Variants in GADL1 observed in about 807,000 individuals in gnomAD.
GADL1 encodes the protein GAD like acidic amino acid decarboxylase 1.
GADL1 carries 71 observed loss-of-function variants against 69.5 expected under a neutral mutation model. That is an observed-to-expected ratio of 1.02 (90% CI 0.84 to 1.25). The LOEUF is 1.25. Ranked by LOEUF, GADL1 falls within the 50% of genes most tolerant of loss-of-function variation. GADL1 has a pLI of 0.00. For synonymous variants in GADL1, 254 were observed against 214.4 expected, an observed-to-expected ratio of 1.18 and a Z score of -1.62; for missense variants, 737 against 631.8, an observed-to-expected ratio of 1.17 and a Z score of -1.79.
chr3:30,801,084 A>G lies in GADL1; in HGVS notation c.1055T>C (p.Leu352Pro). 1 of 1,600,746 alleles carries G rather than the reference A, an allele frequency of 6.2e-7. No homozygotes were observed. The highest frequency in any genetic ancestry group is 8.5e-7 in the Non-Finnish European group (1 of 1,172,036). ...CALLVKDKSDLLKKCYSAKAS... is the reference protein window; with the variant it reads ...CALLVKDKSDPLKKCYSAKAS... ...CTTGGCAGAGTAGCATTTTTTAAGA[A>G]GATCCTTCGAAAAAGAAAAGATTAC... The change falls in exon 12 of 15, where the codon CTT becomes CCT. Residue 352 changes from leucine (L) to proline (P), a missense_variant. Physicochemically the swap from Leu to Pro is moderately conservative, Grantham distance 98. Coordinates refer to ENST00000282538, the MANE Select transcript of GADL1 (RefSeq NM_207359.3).
intron 14 of GADL1, among the ~76,000 whole-genome samples, chr3:30,775,833 A>C (rs1010701870): frequency 6.6e-6 from 1 of 152,204 alleles, no homozygotes; most frequent in African/African-American, 2.4e-5. Context: ...GCGGTGGCTC[A>C]CGCCTGTAAT....
chr3:30,759,223 GTCTCTT>G (rs1163346641), intron 14 of GADL1, among the ~76,000 whole-genome samples: 237 of 151,838 alleles, frequency 1.6e-3, no homozygotes, highest in Non-Finnish European at 2.6e-3. Context: ...TTAGACATCT[GTCTCTT>G]TAGCTCTCAC....
At chr3:30,790,555 A>C (rs1696892867) in intron 12 of GADL1, among the ~76,000 whole-genome samples, 1 of 152,204 alleles carries the variant, frequency 6.6e-6, no homozygotes, top group African/African-American at 2.4e-5. Context: ...TCCTGTATTA[A>C]CCATGTTTCC....
chr3:30,761,277 C>CT (rs1301336641), intron 14 of GADL1, among the ~76,000 whole-genome samples: 1 of 136,910 alleles, frequency 7.3e-6, no homozygotes, highest in African/African-American at 2.7e-5. Context: ...AAGAAGACAG[C>CT]TAGAGCCTCT....
chr3:30,794,021 A>C (rs963874741), intron 12 of GADL1, among the ~76,000 whole-genome samples: 3 of 152,218 alleles, frequency 2.0e-5, no homozygotes, highest in Non-Finnish European at 4.4e-5. Flanking sequence ...AACTTTTAAA[A>C]AGATCACCAA....
At chr3:30,869,123 A>G (rs996904457) in intron 1 of GADL1, among the ~76,000 whole-genome samples, 1 of 151,810 alleles carries the variant, frequency 6.6e-6, no homozygotes, top group African/African-American at 2.4e-5. Context: ...TAGAAAGCGA[A>G]TATTTAAGAA....
At chr3:30,851,408 C>A (rs1299289524) in intron 4 of GADL1, among the ~76,000 whole-genome samples, 1 of 152,150 alleles carries the variant, frequency 6.6e-6, no homozygotes, top group Non-Finnish European at 1.5e-5. Context: ...CCACCTGAAC[C>A]AGGGCTTCCT....
chr3:30,844,070 A>G, intron 8 of GADL1, 140 bp downstream of exon 8: 1 of 670,146 alleles, frequency 1.5e-6, no homozygotes, highest in Non-Finnish European at 2.6e-6. Flanking sequence ...TAATTCCAAC[A>G]TTCTCTCTCC....
At chr3:30,735,551 A>G (rs886627530) in intron 14 of GADL1, among the ~76,000 whole-genome samples, 1 of 152,204 alleles carries the variant, frequency 6.6e-6, no homozygotes, top group Non-Finnish European at 1.5e-5. Flanking sequence ...TGCCTTCTAT[A>G]TGTTTCCATT....
Position 30,770,362 on chromosome 3 carries a change from G to A in GADL1, c.1392+7817C>T, listed in dbSNP as rs577813376. ...GAATTATTTCACGTAGACCTTACAC[G>A]AACAGACGCTAAAGAAACAGACTTA... On this transcript the variant is annotated intron_variant, in intron 14 of 14. Coordinates refer to ENST00000282538, the MANE Select transcript of GADL1 (RefSeq NM_207359.3). Among the ~76,000 whole-genome samples the A allele has an allele frequency of 4.6e-5, 7 of 152,252 alleles. 1 individual carries two copies. In the South Asian group the frequency reaches 6.2e-4, roughly 14 times the overall value.
At chr3:30,889,511 A>C (rs1031618975) in intron 1 of GADL1, among the ~76,000 whole-genome samples, 2 of 152,336 alleles carry the variant, frequency 1.3e-5, no homozygotes, top group Non-Finnish European at 2.9e-5. Context: ...AACAAAGCAA[A>C]AGCCAAAAGC....
Position 30,856,093 on chromosome 3 carries a change from T to C in GADL1, c.337+922A>G, listed in dbSNP as rs1698227145. On this transcript the variant is annotated intron_variant, in intron 3 of 14. Coordinates refer to ENST00000282538, the MANE Select transcript of GADL1 (RefSeq NM_207359.3). The stretch of plus-strand genomic sequence containing the variant: ...CACTTTTGACATGCACTGGTAATAA[T>C]AAGATACATATCTCTGCTTTTGAAA... Among the ~76,000 whole-genome samples the C allele has an allele frequency of 7.2e-5, 11 of 152,194 alleles. No homozygotes were observed. The South Asian group carries it at 2.3e-3, about 32-fold the overall frequency.
intron 1 of GADL1, among the ~76,000 whole-genome samples, chr3:30,890,343 A>G (rs190181864): frequency 6.6e-6 from 1 of 152,328 alleles, no homozygotes; most frequent in Admixed American, 6.5e-5. Flanking sequence ...GATGCAGTAA[A>G]TAGACAGATG....
At chr3:30,889,084 TAAAAAAA>T (rs60227313) in intron 1 of GADL1, among the ~76,000 whole-genome samples, 66 of 32,908 alleles carry the variant, frequency 2.0e-3, no homozygotes, top group African/African-American at 4.1e-3. Context: ...CGGTAATCTA[TAAAAAAA>T]AAAAAAAAAA....
Position 30,767,778 on chromosome 3 carries a change from T to C in GADL1, c.1392+10401A>G, listed in dbSNP as rs886746850. On this transcript the variant is annotated intron_variant, in intron 14 of 14. Transcript: ENST00000282538. ...GCTGTTTTTTCATCGTACAGAAGAC[T>C]AAATACAAAGGATATTATTACTGAA... Among the ~76,000 whole-genome samples, 18 of 152,254 alleles carry C rather than the reference T, an allele frequency of 1.2e-4. 1 individual carries two copies. The highest frequency in any genetic ancestry group is 3.4e-3 in the Middle Eastern group (1 of 294).
At chr3:30,777,705 C>T (rs927248338) in intron 14 of GADL1, among the ~76,000 whole-genome samples, 1 of 152,228 alleles carries the variant, frequency 6.6e-6, no homozygotes, top group Non-Finnish European at 1.5e-5. Flanking sequence ...AGCTGAAACC[C>T]ACTGCTTAGC....
chr3:30,798,405 A>G (rs566315235), intron 12 of GADL1: 366 of 152,838 alleles, frequency 2.4e-3, no homozygotes, highest in South Asian at 0.021. Flanking sequence ...AGAAAAAGAA[A>G]CGCAAAAGCA....
chr3:30,776,463 G>A (rs939087457), intron 14 of GADL1, among the ~76,000 whole-genome samples: 4 of 152,112 alleles, frequency 2.6e-5, no homozygotes, highest in African/African-American at 4.8e-5. Context: ...TTGCTATTTT[G>A]TGTGTGACAA....
In GADL1 at chr3:30,750,646, C is replaced by CT. The variant is rs5847629; in HGVS notation, c.1393-22232dup. On this transcript the variant is annotated intron_variant, in intron 14 of 14. Coordinates refer to ENST00000282538, the MANE Select transcript of GADL1 (RefSeq NM_207359.3). ...TATCCCTTCTCTCCTCTTGCAGCCA[C>CT]TTTTTTTTTTTAACACAATTGCTAC... 2.5e-3 allele frequency among the ~76,000 whole-genome samples: 381 copies of CT among 151,086 alleles called. 2 individuals are homozygous for CT. The highest frequency in any genetic ancestry group is 0.014 in the Middle Eastern group (4 of 294).
Sources: gnomAD v4.1 joint callset for allele counts (sites outside exome capture counted in the v4.1 genomes callset) on GRCh38, gnomAD v4.1.1 for gene constraint, MANE v1.5 for transcripts, NCBI Gene and HGNC (gene_info 2026-07-23, HGNC 2026-07-21) for gene names.